Variants in SHISA9 observed in about 807,000 individuals in gnomAD.
SHISA9 encodes the protein shisa family member 9.
SHISA9 carries 13 observed loss-of-function variants against 38.0 expected under a neutral mutation model. The observed-to-expected ratio is 0.34, with a 90% CI of 0.22 to 0.54. The LOEUF is 0.54. Ranked by LOEUF, SHISA9 falls within the 20% of genes least tolerant of loss-of-function variation. SHISA9 has a pLI of 0.91. For synonymous variants in SHISA9, 275 were observed against 242.0 expected, an observed-to-expected ratio of 1.14 and a Z score of -1.27; for missense variants, 538 against 575.8, an observed-to-expected ratio of 0.93 and a Z score of 0.67.
At chr16:13,084,173 G>A (rs1436310674) in intron 2 of SHISA9, among the ~76,000 whole-genome samples, 1 of 152,130 alleles carries the variant, frequency 6.6e-6, no homozygotes, top group East Asian at 1.9e-4. Flanking sequence ...GGAACCTGAG[G>A]GCCAGAAAAG....
chr16:13,475,324 AATATATATCACATATATATGTTTCAC>A, the SHISA9 span, among the ~76,000 whole-genome samples: 1 of 99,076 alleles, frequency 1.0e-5, no homozygotes, highest in East Asian at 2.5e-4. Flanking sequence ...ATATATGCTT[AATATATATCACATATATATGTTTCAC>A]ATATATATTT....
the SHISA9 span, among the ~76,000 whole-genome samples, chr16:13,354,190 G>A: frequency 1.4e-5 from 2 of 146,078 alleles, no homozygotes; most frequent in African/African-American, 5.1e-5. Flanking sequence ...GGAACACTGA[G>A]AAGTTATTTC....
the SHISA9 span, among the ~76,000 whole-genome samples, chr16:13,462,709 C>G: frequency 6.6e-6 from 1 of 152,112 alleles, no homozygotes; most frequent in Non-Finnish European, 1.5e-5. Flanking sequence ...CACGTGTAAT[C>G]GTAGCAGTTT....
At chr16:13,414,762 G>C in the SHISA9 span, among the ~76,000 whole-genome samples, 1 of 150,572 alleles carries the variant, frequency 6.6e-6, no homozygotes, top group Non-Finnish European at 1.5e-5. Flanking sequence ...CTCCCTAGTA[G>C]CTGGGATTAC....
intron 2 of SHISA9, among the ~76,000 whole-genome samples, chr16:12,933,341 C>T (rs2071486173): frequency 6.6e-6 from 1 of 151,882 alleles, no homozygotes; most frequent in Non-Finnish European, 1.5e-5. Flanking sequence ...GCCACCCAGG[C>T]TGGAGTGCAG....
chr16:13,221,902 C>T (rs566809969), intron 4 of SHISA9, among the ~76,000 whole-genome samples: 1 of 152,054 alleles, frequency 6.6e-6, no homozygotes, highest in African/African-American at 2.4e-5. Context: ...ATGTGATAGA[C>T]CTGTATTAGT....
chr16:13,247,049 C>T, the SHISA9 span, among the ~76,000 whole-genome samples: 1 of 151,466 alleles, frequency 6.6e-6, no homozygotes, highest in Non-Finnish European at 1.5e-5. Context: ...CTCACAGTTC[C>T]ACGTGGCTGG....
intron 2 of SHISA9, among the ~76,000 whole-genome samples, chr16:13,100,380 C>T (rs941171578): frequency 8.6e-5 from 13 of 151,964 alleles, no homozygotes; most frequent in African/African-American, 3.1e-4. Flanking sequence ...AATCATGTGC[C>T]CAGGTGAATG....
intron 2 of SHISA9, among the ~76,000 whole-genome samples, chr16:13,092,791 C>G (rs1474080070): frequency 2.0e-5 from 3 of 152,176 alleles, no homozygotes; most frequent in Admixed American, 2.0e-4. Flanking sequence ...TGAGGTGACG[C>G]TCCGCCCTGC....
rs557303536 is a variant in SHISA9, at chr16:12,908,359, T to C, written c.563+5732T>C. 493 of 1,471,226 alleles carry C rather than the reference T, an allele frequency of 3.4e-4. 4 individuals carry two copies. Among genetic ancestry groups the C allele is most frequent in the South Asian group, 1.6e-3 (118 of 74,090 alleles). The allele number at this position is 1,471,226 out of a possible 1,614,324, so 91.1% of individuals were successfully genotyped here. On this transcript the variant is annotated intron_variant, in intron 1 of 4. Coordinates refer to ENST00000558583, the MANE Select transcript of SHISA9 (RefSeq NM_001145204.3). ...AGGGAGGGTCTATATGTGACTACGT[T>C]AAATACATTGCAAAGTGTTGGCCTA...
the SHISA9 span, among the ~76,000 whole-genome samples, chr16:13,365,469 T>TG: frequency 6.7e-6 from 1 of 149,972 alleles, no homozygotes. Flanking sequence ...TTTTTTTTTT[T>TG]TTTTTGAGAC....
At chr16:13,191,436 T>C (rs922402482) in intron 2 of SHISA9, among the ~76,000 whole-genome samples, 3 of 152,194 alleles carry the variant, frequency 2.0e-5, no homozygotes, top group Admixed American at 6.5e-5. Flanking sequence ...TCTAAACAAT[T>C]GGAGGCAATC....
the SHISA9 span, among the ~76,000 whole-genome samples, chr16:13,271,490 G>A: frequency 4.6e-5 from 7 of 152,256 alleles, no homozygotes; most frequent in South Asian, 4.1e-4. Context: ...GTAAGTCAGC[G>A]TGTACGGTGG....
intron 4 of SHISA9, among the ~76,000 whole-genome samples, chr16:13,231,906 C>T (rs2051335056): frequency 6.6e-6 from 1 of 152,182 alleles, no homozygotes; most frequent in Admixed American, 6.5e-5. Flanking sequence ...TCTGGGTAAC[C>T]TTAGTTTAAT....
At chr16:13,132,361 A>T (rs997274059) in intron 2 of SHISA9, among the ~76,000 whole-genome samples, 3 of 152,090 alleles carry the variant, frequency 2.0e-5, no homozygotes, top group East Asian at 3.9e-4. Context: ...TAATATTATT[A>T]TTTTTTTCCC....
At chr16:12,911,431 A>G (rs1410111338) in intron 1 of SHISA9, 1 of 966,698 alleles carries the variant, frequency 1.0e-6, no homozygotes, top group African/African-American at 1.8e-5. Context: ...ATGCACATTT[A>G]TAAGCATATG....
the SHISA9 span, among the ~76,000 whole-genome samples, chr16:13,509,664 C>G: frequency 6.6e-6 from 1 of 152,186 alleles, no homozygotes; most frequent in African/African-American, 2.4e-5. Flanking sequence ...ATTATCAGGT[C>G]TCTCTGCATG....
At chr16:13,134,092 T>A (rs531091531) in intron 2 of SHISA9, among the ~76,000 whole-genome samples, 1 of 152,264 alleles carries the variant, frequency 6.6e-6, no homozygotes, top group South Asian at 2.1e-4. Context: ...TTTGTTAGAA[T>A]CTGGTCATAC....
the SHISA9 span, among the ~76,000 whole-genome samples, chr16:13,290,465 G>C: frequency 6.6e-6 from 1 of 152,014 alleles, no homozygotes; most frequent in South Asian, 2.1e-4. Flanking sequence ...TTTCAAAACA[G>C]ACCTTCTGCA....
Sources: gnomAD v4.1 joint callset for allele counts (sites outside exome capture counted in the v4.1 genomes callset) on GRCh38, gnomAD v4.1.1 for gene constraint, MANE v1.5 for transcripts, NCBI Gene and HGNC (gene_info 2026-07-23, HGNC 2026-07-21) for gene names.